HNF4G: variants seen among roughly 807,000 people sequenced by gnomAD.
HNF4G encodes hepatocyte nuclear factor 4-gamma.
In HNF4G, 21 loss-of-function variants were observed where a neutral mutation model predicts 50.9. The observed-to-expected ratio is 0.41, with a 90% CI of 0.29 to 0.59. The LOEUF (loss-of-function observed/expected upper bound fraction) is 0.59. Ranked by LOEUF, HNF4G falls within the 20% of genes least tolerant of loss-of-function variation. HNF4G has a pLI of 0.26. For synonymous variants in HNF4G, 198 were observed against 185.6 expected, an observed-to-expected ratio of 1.07 and a Z score of -0.54; for missense variants, 527 against 559.4, an observed-to-expected ratio of 0.94 and a Z score of 0.58.
At chr8:75,497,061 A>G (rs931529897) in intron 2 of HNF4G, among the ~76,000 whole-genome samples, 11 of 137,910 alleles carry the variant, frequency 8.0e-5, no homozygotes, top group Middle Eastern at 7.1e-3. Flanking sequence ...CTTGTTTCTC[A>G]CTAGCTTTGA....
intron 1 of HNF4G, among the ~76,000 whole-genome samples, chr8:75,441,934 C>A (rs904523330): frequency 1.3e-5 from 2 of 152,074 alleles, no homozygotes; most frequent in African/African-American, 2.4e-5. Flanking sequence ...TGGATAAATG[C>A]ATTGTGGTAT....
At chr8:75,433,379 C>A (rs1248889540) in intron 1 of HNF4G, among the ~76,000 whole-genome samples, 14 of 149,400 alleles carry the variant, frequency 9.4e-5, no homozygotes, top group Non-Finnish European at 7.4e-5. Context: ...AGCACCACAG[C>A]CTGGGTGACG....
At chr8:75,437,829 G>A (rs1270133361) in intron 1 of HNF4G, among the ~76,000 whole-genome samples, 8 of 151,866 alleles carry the variant, frequency 5.3e-5, no homozygotes, top group Non-Finnish European at 8.8e-5. Flanking sequence ...ATAAAGTAAC[G>A]CTGATGAAAA....
intron 1 of HNF4G, among the ~76,000 whole-genome samples, chr8:75,463,223 T>C (rs145096037): frequency 1.1e-4 from 16 of 152,248 alleles, no homozygotes; most frequent in African/African-American, 3.4e-4. Context: ...TAGTATTTTT[T>C]ATGAAAAACA....
intron 2 of HNF4G, among the ~76,000 whole-genome samples, chr8:75,490,769 C>A (rs7002984): frequency 0.23 from 34,587 of 152,046 alleles, 5,126 homozygotes; most frequent in African/African-American, 0.42. Flanking sequence ...ATAATGAAAA[C>A]AATATTTTTT....
At chr8:75,470,780 T>A (rs1332591832) in intron 1 of HNF4G, among the ~76,000 whole-genome samples, 5 of 152,202 alleles carry the variant, frequency 3.3e-5, no homozygotes, top group African/African-American at 1.2e-4. Context: ...GTTTTCTATT[T>A]TTTTGTCCTC....
At chr8:75,472,849 G>T (rs1377920723) in intron 1 of HNF4G, among the ~76,000 whole-genome samples, 1 of 152,018 alleles carries the variant, frequency 6.6e-6, no homozygotes, top group Non-Finnish European at 1.5e-5. Flanking sequence ...TTCCTATAGG[G>T]AATTAATACT....
At chr8:75,484,361 T>C (rs754224023) in intron 1 of HNF4G, among the ~76,000 whole-genome samples, 6 of 151,544 alleles carry the variant, frequency 4.0e-5, no homozygotes, top group Non-Finnish European at 8.8e-5. Flanking sequence ...GAGTGATATT[T>C]AGAAATGTAT....
At chr8:75,411,497 C>T (rs1310721547) in intron 1 of HNF4G, among the ~76,000 whole-genome samples, 1 of 152,174 alleles carries the variant, frequency 6.6e-6, no homozygotes. Context: ...GCCTGTTCTT[C>T]CCTACCTTAT....
In HNF4G at chr8:75,542,221, C is replaced by T. The variant is rs542648886; in HGVS notation, c.119-1590C>T. ...TCGGGAGGCTGAGGTGGGAGGATTG[C>T]TTGAGCTCAGGAGGTCCAGGTTGCA... On this transcript the variant is annotated intron_variant, in intron 1 of 9. Transcript: ENST00000396423. Among the ~76,000 whole-genome samples the T allele has an allele frequency of 1.7e-4, 26 of 152,144 alleles. No homozygotes were observed. In the South Asian group the frequency reaches 5.2e-3, roughly 30 times the overall value.
In HNF4G at chr8:75,424,379, T is replaced by C. The variant is rs185450475; in HGVS notation, c.-144+16217T>C. Among the ~76,000 whole-genome samples the C allele has an allele frequency of 3.0e-3, 451 of 152,302 alleles. 3 individuals carry two copies. The highest frequency in any genetic ancestry group is 0.01 in the African/African-American group (426 of 41,554). On this transcript the variant is annotated intron_variant, in intron 1 of 10. Transcript: ENST00000354370. ...CAGCATCTTAAATTTTTTACCTTTA[T>C]TTTTTAAATTTCCATTTTTATTTTT...
chr8:75,435,019 C>T (rs989191585), intron 1 of HNF4G, among the ~76,000 whole-genome samples: 5 of 152,124 alleles, frequency 3.3e-5, no homozygotes, highest in African/African-American at 1.2e-4. Context: ...CTTACTTTAA[C>T]TCTTTAAAAG....
At position 75,565,575 on chromosome 8, in the gene HNF4G, G is replaced by A. The variant is rs771351533; in HGVS notation, c.*1479G>A. ...TGGAGTTTATTTTAAAACAAATGAA[G>A]CATGGGCCACCTCATGATGCAGTGG... is the stretch of plus-strand genomic sequence containing the variant. On this transcript the variant is annotated 3_prime_UTR_variant, in exon 10 of 10. Coordinates refer to ENST00000396423, the MANE Select transcript of HNF4G (RefSeq NM_004133.5). 1 of 152,096 alleles carries A rather than the reference G, an allele frequency of 6.6e-6. No individual in the cohort carries two copies. Among genetic ancestry groups the A allele is most frequent in the Non-Finnish European group, 1.5e-5 (1 of 68,028 alleles). The allele number at this position is 152,096 out of a possible 1,614,324, so 9.4% of individuals were successfully genotyped here. A position where few individuals can be genotyped will look rare whatever the true frequency, so the allele number is the denominator to read the frequency against.
intron 2 of HNF4G, among the ~76,000 whole-genome samples, chr8:75,534,343 G>A (rs1230841394): frequency 7.3e-6 from 1 of 136,264 alleles, no homozygotes; most frequent in African/African-American, 2.5e-5. Flanking sequence ...CTGAAAAGGA[G>A]AGTCTGCTTT....
intron 2 of HNF4G, among the ~76,000 whole-genome samples, chr8:75,530,615 A>AT (rs1050730857): frequency 3.9e-5 from 6 of 152,100 alleles, no homozygotes; most frequent in Non-Finnish European, 8.8e-5. Flanking sequence ...AAAATGTATG[A>AT]TTTTGAGTTC....
At chr8:75,527,625 T>C (rs936131523) in intron 2 of HNF4G, among the ~76,000 whole-genome samples, 3 of 152,216 alleles carry the variant, frequency 2.0e-5, no homozygotes, top group Non-Finnish European at 2.9e-5. Context: ...AATACAACTA[T>C]AAAAACATAT....
At chr8:75,462,105 T>TG (rs2130608871) in intron 1 of HNF4G, among the ~76,000 whole-genome samples, 1 of 151,824 alleles carries the variant, frequency 6.6e-6, no homozygotes, top group East Asian at 2.0e-4. Context: ...TTAGTAGAGA[T>TG]GGGGTTTCTC....
intron 1 of HNF4G, among the ~76,000 whole-genome samples, chr8:75,482,627 C>T (rs190607751): frequency 1.1e-4 from 17 of 152,298 alleles, no homozygotes; most frequent in East Asian, 7.7e-4. Flanking sequence ...CTTGGCCTCC[C>T]AAAGTGCTGG....
intron 1 of HNF4G, among the ~76,000 whole-genome samples, chr8:75,487,877 C>A (rs1422522008): frequency 6.6e-6 from 1 of 152,160 alleles, no homozygotes; most frequent in Non-Finnish European, 1.5e-5. Context: ...AACTCACAAT[C>A]ATGGTGGAAG....
Sources: gnomAD v4.1 joint callset for allele counts (sites outside exome capture counted in the v4.1 genomes callset) on GRCh38, gnomAD v4.1.1 for gene constraint, MANE v1.5 for transcripts, NCBI Gene and HGNC (gene_info 2026-07-23, HGNC 2026-07-21) for gene names.